Variants in CLNK observed in about 807,000 individuals in gnomAD.
The protein encoded by CLNK is cytokine dependent hematopoietic cell linker, also known as cytokine-dependent hematopoietic cell linker.
A neutral mutation model predicts 68.6 loss-of-function variants in CLNK; 74 were observed. The ratio of observed to expected loss-of-function variants is 1.08; its 90% CI spans 0.89 to 1.31. The LOEUF (loss-of-function observed/expected upper bound fraction) is 1.31. Among genes scored for constraint, CLNK ranks in the 50% most tolerant of loss-of-function variants. CLNK has a pLI of 0.00. For synonymous variants in CLNK, 198 were observed against 172.2 expected, an observed-to-expected ratio of 1.15 and a Z score of -1.17; for missense variants, 553 against 515.3, an observed-to-expected ratio of 1.07 and a Z score of -0.71.
chr4:10,667,096 G>A (rs1724429260), intron 2 of CLNK, among the ~76,000 whole-genome samples: 1 of 152,140 alleles, frequency 6.6e-6, no homozygotes, highest in Non-Finnish European at 1.5e-5. Context: ...CAGAGGGTAA[G>A]GATATCATCA....
intron 18 of CLNK, among the ~76,000 whole-genome samples, chr4:10,499,246 G>A (rs1034305794): frequency 2.6e-5 from 4 of 152,324 alleles, no homozygotes; most frequent in Admixed American, 6.5e-5. Context: ...AAAGGGGACA[G>A]GGGCAGGACT....
chr4:10,725,545 T>C, the CLNK span, among the ~76,000 whole-genome samples: 7 of 151,924 alleles, frequency 4.6e-5, no homozygotes, highest in Non-Finnish European at 1.5e-5. Context: ...AAATGCTCCA[T>C]CCCCATTTCC....
chr4:10,707,472 G>T, the CLNK span, among the ~76,000 whole-genome samples: 1 of 152,224 alleles, frequency 6.6e-6, no homozygotes, highest in Non-Finnish European at 1.5e-5. Context: ...ACTAATGTCA[G>T]TCACTTCAAG....
intron 18 of CLNK, among the ~76,000 whole-genome samples, chr4:10,493,665 C>T (rs1053748428): frequency 1.3e-5 from 2 of 151,986 alleles, no homozygotes; most frequent in Admixed American, 6.5e-5. Flanking sequence ...ATTACGTATA[C>T]AATAAATATG....
intron 6 of CLNK, 52 bp downstream of exon 6, chr4:10,565,957 A>G: frequency 6.3e-7 from 1 of 1,583,896 alleles, no homozygotes; most frequent in East Asian, 2.3e-5. Context: ...AGTGTGCAAT[A>G]TGGTGGCATG....
At chr4:10,556,225 T>C (rs551522871) in intron 8 of CLNK, among the ~76,000 whole-genome samples, 13 of 152,368 alleles carry the variant, frequency 8.5e-5, no homozygotes, top group African/African-American at 2.9e-4. Context: ...TTGTTTCTTG[T>C]AATGGGAAAT....
At chr4:10,591,607 C>T (rs746433012) in intron 3 of CLNK, among the ~76,000 whole-genome samples, 9 of 152,236 alleles carry the variant, frequency 5.9e-5, no homozygotes, top group Non-Finnish European at 8.8e-5. Flanking sequence ...AGATACACTG[C>T]AGATCATGTC....
chr4:10,507,921 A>G (rs1355902748), intron 17 of CLNK, 38 bp downstream of exon 17: 2 of 1,485,712 alleles, frequency 1.3e-6, no homozygotes, highest in Non-Finnish European at 9.2e-7. Flanking sequence ...TAAGATGCCT[A>G]TAGAAACAAT....
At chr4:10,565,916 G>A in intron 6 of CLNK, 93 bp downstream of exon 6, 1 of 1,371,964 alleles carries the variant, frequency 7.3e-7, no homozygotes, top group Non-Finnish European at 9.9e-7. Context: ...TTAACCTAGG[G>A]TTGTTTAATT....
the CLNK span, among the ~76,000 whole-genome samples, chr4:10,711,968 G>T: frequency 6.6e-6 from 1 of 152,112 alleles, no homozygotes; most frequent in African/African-American, 2.4e-5. Context: ...ATTGGCTGGG[G>T]CACCGGGAGA....
At chr4:10,686,490 G>T (rs959333711), upstream of CLNK, among the ~76,000 whole-genome samples, 7 of 151,698 alleles carry the variant, frequency 4.6e-5, no homozygotes, top group African/African-American at 1.7e-4. Context: ...TGTCAGCCAG[G>T]TGCCTCTGTT....
At chr4:10,654,499 A>C (rs1321912685) in intron 2 of CLNK, among the ~76,000 whole-genome samples, 1 of 150,184 alleles carries the variant, frequency 6.7e-6, no homozygotes, top group East Asian at 2.0e-4. Context: ...ACATTAGAGC[A>C]TTTACCTCAA....
chr4:10,641,716 C>T (rs13139179), intron 2 of CLNK, among the ~76,000 whole-genome samples: 13 of 152,064 alleles, frequency 8.5e-5, no homozygotes, highest in Admixed American at 7.2e-4. Flanking sequence ...AAATACAACT[C>T]TCCTACTGAT....
intron 8 of CLNK, among the ~76,000 whole-genome samples, chr4:10,548,355 AT>A (rs1462340582): frequency 2.0e-5 from 3 of 152,102 alleles, no homozygotes; most frequent in African/African-American, 7.2e-5. Context: ...AAGGTCACTC[AT>A]TTTTTAGCTC....
intron 1 of CLNK, among the ~76,000 whole-genome samples, chr4:10,678,160 A>G (rs774620160): frequency 6.6e-6 from 1 of 152,214 alleles, no homozygotes; most frequent in Non-Finnish European, 1.5e-5. Flanking sequence ...CTTATCTAGC[A>G]AGATGGGAGA....
intron 1 of CLNK, among the ~76,000 whole-genome samples, chr4:10,669,370 G>A (rs988533258): frequency 6.6e-6 from 1 of 152,186 alleles, no homozygotes; most frequent in Admixed American, 6.5e-5. Flanking sequence ...GCCAGCCAGG[G>A]TGATCTTCAT....
At chr4:10,620,218 G>A (rs769954658) in intron 2 of CLNK, among the ~76,000 whole-genome samples, 4 of 152,128 alleles carry the variant, frequency 2.6e-5, no homozygotes, top group Non-Finnish European at 4.4e-5. Context: ...GAAACGGGAA[G>A]CTGTGCACTC....
intron 10 of CLNK, among the ~76,000 whole-genome samples, chr4:10,541,230 A>G (rs1409672761): frequency 2.0e-5 from 3 of 151,898 alleles, no homozygotes; most frequent in East Asian, 1.9e-4. Context: ...AACAAAAAAA[A>G]AAAAACCCAA....
intron 3 of CLNK, among the ~76,000 whole-genome samples, chr4:10,585,446 G>A (rs754962860): frequency 2.0e-4 from 31 of 152,308 alleles, no homozygotes; most frequent in Non-Finnish European, 4.0e-4. Flanking sequence ...TCAGGCAAAC[G>A]CCGAGCTGTA....
Sources: allele counts gnomAD v4.1 joint callset (sites outside exome capture counted in the v4.1 genomes callset), GRCh38; gene constraint gnomAD v4.1.1; transcripts MANE v1.5; gene names NCBI Gene and HGNC (gene_info 2026-07-23, HGNC 2026-07-21).